DCLK2: variants seen among roughly 807,000 people sequenced by gnomAD.
DCLK2 encodes serine/threonine-protein kinase DCLK2.
DCLK2 carries 31 observed loss-of-function variants against 78.4 expected under a neutral mutation model. The ratio of observed to expected loss-of-function variants is 0.40; its 90% CI spans 0.30 to 0.53. The LOEUF is 0.53. Among genes scored for constraint, DCLK2 ranks in the 20% least tolerant of loss-of-function variants. The pLI is 0.61. For synonymous variants in DCLK2, 407 were observed against 374.9 expected (o/e 1.09, Z -0.99); for missense variants, 872 against 973.7 (o/e 0.90, Z 1.39).
At chr4:150,081,853 C>A (rs1218343519) in intron 1 of DCLK2, among the ~76,000 whole-genome samples, 1 of 149,838 alleles carries the variant, frequency 6.7e-6, no homozygotes, top group African/African-American at 2.5e-5. Flanking sequence ...AAAAAATTAG[C>A]CGGGTGTGGC....
rs147679897 is a variant in DCLK2, at chr4:150,229,479, C to T, written c.1300-2858C>T. On this transcript the variant is annotated intron_variant, in intron 8 of 15. Transcript: ENST00000296550. ...GGTGATTGTGGGTATATTATCCACC[C>T]GAAAGGAGGAATCGGTGCAATTCCT... Among the ~76,000 whole-genome samples, 1,322 of 152,038 alleles carry T rather than the reference C, an allele frequency of 8.7e-3. 80 individuals carry two copies. The highest frequency in any genetic ancestry group is 2.2e-3 in the Non-Finnish European group (150 of 67,994).
At chr4:150,129,881 T>C (rs1216065998) in intron 2 of DCLK2, among the ~76,000 whole-genome samples, 1 of 152,012 alleles carries the variant, frequency 6.6e-6, no homozygotes, top group Admixed American at 6.6e-5. Flanking sequence ...TTTGAAGAGG[T>C]GCCTAATCTC....
intron 2 of DCLK2, among the ~76,000 whole-genome samples, chr4:150,172,762 G>T (rs78136582): frequency 0.5 from 36,143 of 72,868 alleles, 5,900 homozygotes; most frequent in African/African-American, 0.57. Flanking sequence ...TTTTTTTTTG[G>T]GGGGGGGGGG....
At chr4:150,237,111 T>C (rs1015117961) in intron 10 of DCLK2, among the ~76,000 whole-genome samples, 3 of 152,218 alleles carry the variant, frequency 2.0e-5, no homozygotes, top group African/African-American at 7.2e-5. Flanking sequence ...ATAAAACTTT[T>C]TTTTTTAACT....
At chr4:150,139,152 C>A (rs1733932159) in intron 2 of DCLK2, among the ~76,000 whole-genome samples, 1 of 152,100 alleles carries the variant, frequency 6.6e-6, no homozygotes, top group Admixed American at 6.5e-5. Flanking sequence ...CAGACCTGGG[C>A]CACCATGCCT....
chr4:150,089,168 A>G (rs1729873535), intron 1 of DCLK2, among the ~76,000 whole-genome samples: 1 of 152,190 alleles, frequency 6.6e-6, no homozygotes, highest in African/African-American at 2.4e-5. Context: ...CTCTTCCTCT[A>G]AACATCATCA....
At chr4:150,244,488 T>C (rs1743157308) in intron 12 of DCLK2, among the ~76,000 whole-genome samples, 1 of 152,268 alleles carries the variant, frequency 6.6e-6, no homozygotes, top group African/African-American at 2.4e-5. Flanking sequence ...TTCTGAATTA[T>C]AATGCTTTGT....
intron 2 of DCLK2, among the ~76,000 whole-genome samples, chr4:150,190,679 G>A (rs1413918780): frequency 6.6e-6 from 1 of 152,154 alleles, no homozygotes; most frequent in East Asian, 1.9e-4. Context: ...TGGGCATGGT[G>A]TTTCTTCTGG....
intron 3 of DCLK2, among the ~76,000 whole-genome samples, 193 bp downstream of exon 3, chr4:150,193,433 AAGAAAG>A (rs923016284): frequency 3.9e-5 from 6 of 152,082 alleles, no homozygotes; most frequent in African/African-American, 1.5e-4. Context: ...TAAAAAAAGA[AAGAAAG>A]AAAAAGAAAA....
intron 1 of DCLK2, among the ~76,000 whole-genome samples, chr4:150,101,839 A>G (rs1730911131): frequency 6.6e-6 from 1 of 152,164 alleles, no homozygotes; most frequent in Non-Finnish European, 1.5e-5. Flanking sequence ...TATTTAAACA[A>G]TAGTTATTTT....
At chr4:150,111,869 C>T (rs1731721170) in intron 2 of DCLK2, among the ~76,000 whole-genome samples, 1 of 152,120 alleles carries the variant, frequency 6.6e-6, no homozygotes, top group South Asian at 2.1e-4. Context: ...CTAACTGTAG[C>T]CTTATAGTAT....
chr4:150,089,483 C>T (rs1409196173), intron 1 of DCLK2, among the ~76,000 whole-genome samples: 2 of 152,120 alleles, frequency 1.3e-5, no homozygotes, highest in Non-Finnish European at 2.9e-5. Context: ...TAGGTGGCCA[C>T]GTTTCAATGT....
chr4:150,256,091 G>A lies in DCLK2; in HGVS notation c.2145G>A (p.Met715Ile). 1.9e-6 allele frequency: 3 copies of A among 1,613,070 alleles called. No homozygotes were observed. The highest frequency in any genetic ancestry group is 2.5e-6 in the Non-Finnish European group (3 of 1,179,918). ...KHCQDSGRPG[M>I]EPISPVPPSV... Reference sequence around the variant, plus strand: ...GTCAAGACAGCGGCAGGCCTGGGATGGAGCCCATCTCTCCAGTTCCTCCCT... The same window carrying A: ...GTCAAGACAGCGGCAGGCCTGGGATAGAGCCCATCTCTCCAGTTCCTCCCT... The change falls in exon 16 of 16, where the codon ATG becomes ATA. Residue 715 changes from methionine to isoleucine, a missense_variant. Met to Ile is a conservative substitution (Grantham distance 10). Coordinates refer to ENST00000296550, the MANE Select transcript of DCLK2 (RefSeq NM_001040260.4).
intron 2 of DCLK2, among the ~76,000 whole-genome samples, chr4:150,170,691 T>C (rs1736464638): frequency 6.6e-6 from 1 of 152,194 alleles, no homozygotes; most frequent in Non-Finnish European, 1.5e-5. Flanking sequence ...AAATTGGAAC[T>C]GCAATATTAA....
chr4:150,087,505 AG>A (rs1219754106), intron 1 of DCLK2, among the ~76,000 whole-genome samples: 1 of 152,248 alleles, frequency 6.6e-6, no homozygotes, highest in Non-Finnish European at 1.5e-5. Flanking sequence ...ATAGAAGAAA[AG>A]GCACGCAAAT....
chr4:150,170,325 T>G (rs11946241), intron 2 of DCLK2, among the ~76,000 whole-genome samples: 87,026 of 151,974 alleles, frequency 0.57, 27,060 homozygotes, highest in South Asian at 0.77. Context: ...ATTATAGGCA[T>G]GAGCCACCAT....
At chr4:150,095,888 A>G (rs910311361) in intron 1 of DCLK2, among the ~76,000 whole-genome samples, 3 of 152,204 alleles carry the variant, frequency 2.0e-5, no homozygotes, top group African/African-American at 7.2e-5. Context: ...TAAAGAGGGT[A>G]TGAGAAGTTT....
intron 15 of DCLK2, among the ~76,000 whole-genome samples, chr4:150,255,740 G>GTT (rs969334168): frequency 3.9e-5 from 6 of 152,164 alleles, no homozygotes; most frequent in African/African-American, 1.4e-4. Flanking sequence ...GAAGGGGTGA[G>GTT]AACCCAGGCA....
intron 8 of DCLK2, 86 bp downstream of exon 8, chr4:150,224,644 C>G (rs925272902): frequency 1.9e-6 from 2 of 1,076,494 alleles, no homozygotes; most frequent in Non-Finnish European, 2.7e-6. Context: ...TAAGTGGGGA[C>G]TTGACACAAC....
Sources: allele counts gnomAD v4.1 joint callset (sites outside exome capture counted in the v4.1 genomes callset), GRCh38; gene constraint gnomAD v4.1.1; transcripts MANE v1.5; gene names NCBI Gene and HGNC (gene_info 2026-07-23, HGNC 2026-07-21).